The following PPP1R15B variants were observed in gnomAD, a reference collection of about 807,000 sequenced individuals.
PPP1R15B encodes the protein protein phosphatase 1 regulatory subunit 15B.
PPP1R15B carries 31 observed loss-of-function variants against 53.9 expected under a neutral mutation model. The observed-to-expected ratio is 0.58, with a 90% CI of 0.43 to 0.78. The LOEUF is 0.78. Among genes scored for constraint, PPP1R15B ranks in the 30% least tolerant of loss-of-function variants. The pLI is 0.00. For missense variants in PPP1R15B, 928 were observed against 849.6 expected (o/e 1.09, Z -1.15); for synonymous variants, 345 against 329.1 (o/e 1.05, Z -0.52).
rs1039687955 is a variant in PPP1R15B, at chr1:204,404,439, C to T, written c.*1653G>A. The T allele has an allele frequency of 2.2e-5, 16 of 726,420 alleles. No homozygotes were observed. The highest frequency in any genetic ancestry group is 2.7e-5 in the Non-Finnish European group (16 of 594,294). 45.0% of individuals were successfully genotyped at this position (726,420 alleles called of 1,614,324 possible). On this transcript the variant is annotated 3_prime_UTR_variant, in exon 2 of 2. Transcript: ENST00000367188. Reference sequence around the variant, plus strand: ...GGCGGAGGTTGCAGTGAGCCGAGATCGCGCCACTGCACTCCAAGCTGGGGG... The same window carrying T: ...GGCGGAGGTTGCAGTGAGCCGAGATTGCGCCACTGCACTCCAAGCTGGGGG...
At chr1:204,403,085 A>G (rs963028029), downstream of PPP1R15B, among the ~76,000 whole-genome samples, 8 of 152,062 alleles carry the variant, frequency 5.3e-5, no homozygotes, top group African/African-American at 1.9e-4. Flanking sequence ...AATAATAATA[A>G]TAATGCACAA....
chr1:204,395,890 GTATATGTT>G (rs998175457), downstream of PPP1R15B, among the ~76,000 whole-genome samples: 6 of 152,026 alleles, frequency 3.9e-5, no homozygotes, highest in Non-Finnish European at 5.9e-5. Flanking sequence ...GCTTATATAT[GTATATGTT>G]TATATGTTTA....
At position 204,411,559 on chromosome 1, in the gene PPP1R15B, C is replaced by T; in HGVS notation, c.-148G>A. The T allele has an allele frequency of 9.0e-7, 1 of 1,109,640 alleles. No homozygotes were observed. Among genetic ancestry groups the T allele is most frequent in the East Asian group, 2.4e-5 (1 of 41,886 alleles). 68.7% of individuals were successfully genotyped at this position (1,109,640 alleles called of 1,614,324 possible). On this transcript the variant is annotated 5_prime_UTR_variant, in exon 1 of 2. It adds an upstream start codon to the 5' untranslated region. Coordinates refer to ENST00000367188, the MANE Select transcript of PPP1R15B (RefSeq NM_032833.5). ...GATCTTCGAGCCAGCAGAAAAGCCA[C>T]AGAGGGCAGCGAATGCGGCAGCGGG...
Position 204,404,035 on chromosome 1 carries a change from C to T in PPP1R15B, c.*2057G>A. The stretch of plus-strand genomic sequence containing the variant: ...AAACAGGAAACACAACGTTAAGTCT[C>T]GGAAATAAAATGTTTCAGCCTGGTT... On this transcript the variant is annotated 3_prime_UTR_variant, in exon 2 of 2. Coordinates refer to ENST00000367188, the MANE Select transcript of PPP1R15B (RefSeq NM_032833.5). 3 of 985,358 alleles carry T rather than the reference C, an allele frequency of 3.0e-6. No homozygotes were observed. The highest frequency in any genetic ancestry group is 1.1e-4 in the East Asian group (1 of 8,818). The allele number at this position is 985,358 out of a possible 1,614,324, so 61.0% of individuals were successfully genotyped here. A position where few individuals can be genotyped will look rare whatever the true frequency, so the allele number is the denominator to read the frequency against.
chr1:204,400,509 G>C (rs918424754), downstream of PPP1R15B, among the ~76,000 whole-genome samples: 400 of 128,054 alleles, frequency 3.1e-3, 2 homozygotes, highest in African/African-American at 0.01. Flanking sequence ...TGTATTTTTT[G>C]TAGAGATGGT....
In PPP1R15B at chr1:204,410,742, T is replaced by C; in HGVS notation, c.670A>G (p.Asn224Asp). The C allele has an allele frequency of 6.2e-7, 1 of 1,614,180 alleles. No individual in the cohort carries two copies. The highest frequency in any genetic ancestry group is 1.1e-5 in the South Asian group (1 of 91,078). Reference protein sequence around the residue: ...DNFSVVSYLLNPSYLDCFPRL... With the variant: ...DNFSVVSYLLDPSYLDCFPRL... The stretch of plus-strand genomic sequence containing the variant: ...GGAAAGCAGTCCAGGTAGGAAGGGT[T>C]CAGCAAATAGGATACCACACTGAAA... The change falls in exon 1 of 2, where the codon AAC (asparagine) becomes GAC (aspartate). Residue 224 changes from asparagine (N) to aspartate (D), a missense_variant. Transcript: ENST00000367188.
downstream of PPP1R15B, among the ~76,000 whole-genome samples, chr1:204,396,478 A>G (rs1298893061): frequency 6.6e-6 from 1 of 150,926 alleles, no homozygotes; most frequent in Non-Finnish European, 1.5e-5. Flanking sequence ...ACCTGAACCC[A>G]GGGAGATAAG....
chr1:204,405,702 T>G lies in PPP1R15B; in HGVS notation c.*390A>C. The G allele has an allele frequency of 1.0e-6, 1 of 988,246 alleles. No individual in the cohort carries two copies. The highest frequency in any genetic ancestry group is 1.2e-6 in the Non-Finnish European group (1 of 830,854). 61.2% of individuals were successfully genotyped at this position (988,246 alleles called of 1,614,324 possible). On this transcript the variant is annotated 3_prime_UTR_variant, in exon 2 of 2. Coordinates refer to ENST00000367188, the MANE Select transcript of PPP1R15B (RefSeq NM_032833.5). ...CAAGAAAGAGCCCAAAGTTTTCAGA[T>G]AGGCACACATAATTTAGATTAGAAA...
chr1:204,411,694 T>C lies in PPP1R15B; in HGVS notation c.-283A>G, dbSNP rs1572259275. On this transcript the variant is annotated 5_prime_UTR_variant, in exon 1 of 2. Transcript: ENST00000367188. ...CGGCTCGACGCTTCAACACCATGGA[T>C]AGGAGTCCCCCCACGGCCTCGGCGA... 30 of 524,274 alleles carry C rather than the reference T, an allele frequency of 5.7e-5. 1 individual carries two copies. In the South Asian group the frequency reaches 6.3e-4, roughly 11 times the overall value. 32.5% of individuals were successfully genotyped at this position (524,274 alleles called of 1,614,324 possible). A position where few individuals can be genotyped will look rare whatever the true frequency, so the allele number is the denominator to read the frequency against.
At chr1:204,406,414 A>G (rs897271148) in intron 1 of PPP1R15B, 101 bp from the exon 2 acceptor site, 43 of 1,382,940 alleles carry the variant, frequency 3.1e-5, no homozygotes, top group Non-Finnish European at 4.1e-5. Context: ...AATATTCCCA[A>G]CTAAGAATAA....
rs1192584120 is a variant in PPP1R15B, at chr1:204,403,447, A to G, written c.*2645T>C. 2 of 784,082 alleles carry G rather than the reference A, an allele frequency of 2.6e-6. No individual in the cohort carries two copies. The highest frequency in any genetic ancestry group is 3.1e-6 in the Non-Finnish European group (2 of 646,426). 48.6% of individuals were successfully genotyped at this position (784,082 alleles called of 1,614,324 possible). On this transcript the variant is annotated 3_prime_UTR_variant, in exon 2 of 2. Coordinates refer to ENST00000367188, the MANE Select transcript of PPP1R15B (RefSeq NM_032833.5). ...GATTAGTTATGTTATATACACAAAT[A>G]TAATTTTAACTATAAAATCCCAACT...
chr1:204,411,274 C>T lies in PPP1R15B; in HGVS notation c.138G>A (p.Gly46=), dbSNP rs771054301. The T allele has an allele frequency of 6.2e-7, 1 of 1,614,216 alleles. No individual in the cohort carries two copies. Among genetic ancestry groups the T allele is most frequent in the Non-Finnish European group, 8.5e-7 (1 of 1,180,046 alleles). ...GGGCAGAGGAAAGCAGTGTGGGGTT[C>T]CCGGAGTTTTCCGGGCCAAGAGGCG... ...FPTPLGPENS[G]NPTLLSSAQP... is the part of the protein sequence containing the mutation. The change falls in exon 1 of 2, where the codon GGG becomes GGA. Residue 46 remains glycine, a synonymous_variant. Coordinates refer to ENST00000367188, the MANE Select transcript of PPP1R15B (RefSeq NM_032833.5).
In PPP1R15B at chr1:204,409,380, A is replaced by T; in HGVS notation, c.1920+112T>A. 3 of 1,178,200 alleles carry T rather than the reference A, an allele frequency of 2.5e-6. No homozygotes were observed. In the South Asian group the frequency reaches 4.6e-5, roughly 18 times the overall value. The allele number at this position is 1,178,200 out of a possible 1,614,324, so 73.0% of individuals were successfully genotyped here. On this transcript the variant is annotated intron_variant, in intron 1 of 1. Transcript: ENST00000367188. ...TCTCAATCCAAGTATATGAATTTAG[A>T]GGCCTTCCTCAAAAATACATGCACT...
chr1:204,400,870 G>T, downstream of PPP1R15B: 2 of 277,322 alleles, frequency 7.2e-6, no homozygotes, highest in Non-Finnish European at 1.1e-5. Context: ...GATAAAGGGG[G>T]AAGTATAAAA....
downstream of PPP1R15B, chr1:204,400,608 G>A (rs1263190075): frequency 3.3e-6 from 1 of 299,234 alleles, no homozygotes; most frequent in Non-Finnish European, 4.9e-6. Flanking sequence ...TTACAGGCAT[G>A]AGCCACCACC....
chr1:204,402,820 T>A (rs1674199191), downstream of PPP1R15B, among the ~76,000 whole-genome samples: 1 of 151,898 alleles, frequency 6.6e-6, no homozygotes, highest in Non-Finnish European at 1.5e-5. Context: ...ACGCCTGTAA[T>A]CCCAGCACTT....
rs1674364461 is a variant in PPP1R15B at position 204,411,035 on chromosome 1, G to A, written c.377C>T (p.Ser126Leu). ...AAPTAQKSLSSLQLDSSDPSV... is the reference protein window; with the variant it reads ...AAPTAQKSLSLLQLDSSDPSV... The stretch of plus-strand genomic sequence containing the variant: ...GGGGTCTGAGGAGTCGAGCTGCAGC[G>A]AACTCAAAGATTTCTGCGCTGTGGG... Residue 126 changes from serine to leucine, a missense_variant, in exon 1 of 2, where the codon TCG (serine) becomes TTG (leucine). Ser to Leu is a moderately radical substitution (Grantham distance 145, BLOSUM62 -2). Transcript: ENST00000367188. 2 of 1,614,068 alleles carry A rather than the reference G, an allele frequency of 1.2e-6. No individual in the cohort carries two copies. The highest frequency in any genetic ancestry group is 1.7e-5 in the Admixed American group (1 of 60,000).
In PPP1R15B at chr1:204,405,698, C is replaced by T; in HGVS notation, c.*394G>A. On this transcript the variant is annotated 3_prime_UTR_variant, in exon 2 of 2. Transcript: ENST00000367188. Reference sequence around the variant, plus strand: ...GAAACAAGAAAGAGCCCAAAGTTTTCAGATAGGCACACATAATTTAGATTA... The same window carrying T: ...GAAACAAGAAAGAGCCCAAAGTTTTTAGATAGGCACACATAATTTAGATTA... 3.0e-6 allele frequency: 3 copies of T among 986,434 alleles called. No homozygotes were observed. The highest frequency in any genetic ancestry group is 3.6e-6 in the Non-Finnish European group (3 of 829,768). The allele number at this position is 986,434 out of a possible 1,614,324, so 61.1% of individuals were successfully genotyped here.
rs754146905 is a variant in PPP1R15B, at chr1:204,406,207, A to G, written c.2027T>C (p.Ile676Thr). ...TCCAATAGCATCTTCTGTTTCTTGA[A>G]TTCGTTTCTGGAACCTGCATCCATC... ...ARDGCRFQKRIQETEDAIGYC... is the reference protein window; with the variant it reads ...ARDGCRFQKRTQETEDAIGYC... The change falls in exon 2 of 2, where the codon ATT becomes ACT. Residue 676 changes from isoleucine (I) to threonine (T), a missense_variant. Physicochemically the swap from Ile to Thr is moderately conservative, Grantham distance 89. Transcript: ENST00000367188. The G allele has an allele frequency of 6.2e-7, 1 of 1,614,130 alleles. No homozygotes were observed. Among genetic ancestry groups the G allele is most frequent in the South Asian group, 1.1e-5 (1 of 91,082 alleles).
Sources: gnomAD v4.1 joint callset for allele counts (sites outside exome capture counted in the v4.1 genomes callset) on GRCh38, gnomAD v4.1.1 for gene constraint, MANE v1.5 for transcripts, NCBI Gene and HGNC (gene_info 2026-07-23, HGNC 2026-07-21) for gene names.